MARK1: variants seen among roughly 807,000 people sequenced by gnomAD.
The protein encoded by MARK1 is serine/threonine-protein kinase MARK1.
Under a neutral mutation model 96.3 loss-of-function variants are expected in MARK1, and 40 were observed. The observed-to-expected ratio is 0.42, with a 90% confidence interval of 0.32 to 0.54. MARK1 has a LOEUF of 0.54. Ranked by LOEUF, MARK1 falls within the 20% of genes least tolerant of loss-of-function variation. The pLI, the probability that MARK1 is intolerant of heterozygous loss-of-function variation, is 0.16. For synonymous variants in MARK1, 317 were observed against 341.2 expected (o/e 0.93, Z 0.78); for missense variants, 719 against 984.6 (o/e 0.73, Z 3.61).
chr1:220,556,813 T>C lies in MARK1; in HGVS notation c.52-22541T>C, dbSNP rs190262993. ...GCAGCAGATTATTCCCAGCCAAAGA[T>C]AGACTTGATGGACTGGTATAGATCT... On this transcript the variant is annotated intron_variant, in intron 1 of 17. Coordinates refer to ENST00000366917, the MANE Select transcript of MARK1 (RefSeq NM_018650.5). 1.8e-4 allele frequency among the ~76,000 whole-genome samples: 28 copies of C among 152,280 alleles called. No homozygotes were observed. The East Asian group carries it at 4.8e-3, about 26-fold the overall frequency.
chr1:220,632,613 G>A (rs192942574), intron 11 of MARK1, among the ~76,000 whole-genome samples: 8 of 152,130 alleles, frequency 5.3e-5, no homozygotes, highest in Non-Finnish European at 8.8e-5. Flanking sequence ...CCCACCAAAG[G>A]TAATATGGTT....
chr1:220,586,101 A>G (rs1252714731), intron 3 of MARK1, among the ~76,000 whole-genome samples: 4 of 152,076 alleles, frequency 2.6e-5, no homozygotes, highest in African/African-American at 9.7e-5. Context: ...TGAATATGCT[A>G]TCCCTTTGTT....
chr1:220,639,312 C>T (rs1052059337), intron 13 of MARK1, among the ~76,000 whole-genome samples: 8 of 151,990 alleles, frequency 5.3e-5, no homozygotes, highest in African/African-American at 1.9e-4. Context: ...TATATGTACA[C>T]AGAGCATTAT....
chr1:220,631,858 G>A (rs892071919), intron 10 of MARK1, among the ~76,000 whole-genome samples: 1 of 152,174 alleles, frequency 6.6e-6, no homozygotes, highest in Non-Finnish European at 1.5e-5. Flanking sequence ...AGCTGAGGAC[G>A]AATTGAGAGA....
At chr1:220,619,132 C>G (rs1666919564) in intron 9 of MARK1, among the ~76,000 whole-genome samples, 2 of 152,166 alleles carry the variant, frequency 1.3e-5, no homozygotes, top group South Asian at 2.1e-4. Context: ...AGTGAAAATT[C>G]TAATCTAATG....
At chr1:220,588,441 G>A (rs975706530) in intron 3 of MARK1, among the ~76,000 whole-genome samples, 2 of 152,116 alleles carry the variant, frequency 1.3e-5, no homozygotes, top group African/African-American at 4.8e-5. Flanking sequence ...ATAATTGGCT[G>A]CAAGTTATCA....
At chr1:220,606,309 G>A (rs1303772522) in intron 6 of MARK1, among the ~76,000 whole-genome samples, 4 of 152,144 alleles carry the variant, frequency 2.6e-5, no homozygotes, top group Non-Finnish European at 5.9e-5. Flanking sequence ...TCTGTTGGCT[G>A]CATAGATGTC....
At chr1:220,548,282 T>C (rs183412170) in intron 1 of MARK1, among the ~76,000 whole-genome samples, 1 of 152,354 alleles carries the variant, frequency 6.6e-6, no homozygotes, top group Admixed American at 6.5e-5. Flanking sequence ...ATCATAAAAT[T>C]TCAATGTACT....
chr1:220,632,370 T>C, intron 11 of MARK1, 57 bp downstream of exon 11: 9 of 721,544 alleles, frequency 1.2e-5, no homozygotes, highest in Non-Finnish European at 1.8e-5. Flanking sequence ...AATATATTAG[T>C]TAATATATTC....
intron 1 of MARK1, among the ~76,000 whole-genome samples, chr1:220,577,901 G>A (rs1663980369): frequency 6.6e-6 from 1 of 152,182 alleles, no homozygotes; most frequent in Admixed American, 6.6e-5. Flanking sequence ...TGAGGCCAGA[G>A]GTTGCAGATG....
chr1:220,592,646 G>A lies in MARK1; in HGVS notation c.310-5685G>A, dbSNP rs1244649649. On this transcript the variant is annotated intron_variant, in intron 3 of 17. Coordinates refer to ENST00000366917, the MANE Select transcript of MARK1 (RefSeq NM_018650.5). ...TGTATGTTGTAAATTGCTAGGGTATGGTACTTTGTTACTCATCAATAGGAA... is the reference window on the plus strand; with the variant it reads ...TGTATGTTGTAAATTGCTAGGGTATAGTACTTTGTTACTCATCAATAGGAA... Among the ~76,000 whole-genome samples the A allele has an allele frequency of 2.6e-5, 4 of 152,140 alleles. No homozygotes were observed. In the South Asian group the frequency reaches 6.2e-4, roughly 24 times the overall value.
chr1:220,590,812 T>G (rs956771084), intron 3 of MARK1, among the ~76,000 whole-genome samples: 2 of 152,168 alleles, frequency 1.3e-5, no homozygotes, highest in South Asian at 2.1e-4. Flanking sequence ...CATCTTCTTG[T>G]TATCGCTTAT....
intron 6 of MARK1, among the ~76,000 whole-genome samples, chr1:220,607,094 T>C (rs1304548636): frequency 6.6e-6 from 1 of 152,190 alleles, no homozygotes; most frequent in African/African-American, 2.4e-5. Flanking sequence ...TGGCATTGAA[T>C]CTATAAATTA....
At chr1:220,610,278 T>G (rs990404913) in intron 6 of MARK1, among the ~76,000 whole-genome samples, 3 of 152,198 alleles carry the variant, frequency 2.0e-5, no homozygotes, top group Admixed American at 2.0e-4. Context: ...AACCTTATCT[T>G]CTCGCTTTAT....
Position 220,562,667 on chromosome 1 carries a change from C to G in MARK1, c.52-16687C>G, listed in dbSNP as rs1012962692. ...ACTCCATGTCTGTGGGGATTGGTTC[C>G]AGGACCTCCCTCAAAAAAAAATTGA... On this transcript the variant is annotated intron_variant, in intron 1 of 17. Coordinates refer to ENST00000366917, the MANE Select transcript of MARK1 (RefSeq NM_018650.5). Among the ~76,000 whole-genome samples, 9 of 151,958 alleles carry G rather than the reference C, an allele frequency of 5.9e-5. No individual in the cohort carries two copies. The South Asian group carries it at 1.0e-3, about 18-fold the overall frequency.
intron 6 of MARK1, among the ~76,000 whole-genome samples, chr1:220,614,565 T>C: frequency 6.6e-6 from 1 of 152,172 alleles, no homozygotes; most frequent in Admixed American, 6.6e-5. Flanking sequence ...TAATAATATA[T>C]ACCTCTATAT....
chr1:220,619,977 C>T (rs904204013), intron 9 of MARK1, among the ~76,000 whole-genome samples: 1 of 152,158 alleles, frequency 6.6e-6, no homozygotes, highest in Non-Finnish European at 1.5e-5. Context: ...AGTGAGCCAT[C>T]CCTGTGTACA....
Position 220,633,068 on chromosome 1 carries a change from G to C in MARK1, c.1122+755G>C, listed in dbSNP as rs149076381. 3.9e-4 allele frequency among the ~76,000 whole-genome samples: 59 copies of C among 152,210 alleles called. 1 individual carries two copies. The East Asian group carries it at 5.0e-3, about 13-fold the overall frequency. On this transcript the variant is annotated intron_variant, in intron 11 of 17. Coordinates refer to ENST00000366917, the MANE Select transcript of MARK1 (RefSeq NM_018650.5). ...TGGCAAGAGGGAACAGGTGAGAGGT[G>C]GGGGAGGTGCCACGCTCTTTTAAAT...
chr1:220,597,448 C>T (rs909285230), intron 3 of MARK1, among the ~76,000 whole-genome samples: 1 of 151,892 alleles, frequency 6.6e-6, no homozygotes, highest in African/African-American at 2.4e-5. Context: ...TGAGGTGGTA[C>T]CTCTTTGTGG....
Sources: allele counts gnomAD v4.1 joint callset (sites outside exome capture counted in the v4.1 genomes callset), GRCh38; gene constraint gnomAD v4.1.1; transcripts MANE v1.5; gene names NCBI Gene and HGNC (gene_info 2026-07-23, HGNC 2026-07-21).